The following ARHGEF6 variants were observed in gnomAD, a reference collection of about 807,000 sequenced individuals.
ARHGEF6 encodes the protein rho guanine nucleotide exchange factor 6.
ARHGEF6 carries 9 observed loss-of-function variants against 70.3 expected under a neutral mutation model. That is an observed-to-expected ratio of 0.13 (90% CI 0.08 to 0.22). The LOEUF is 0.22. ARHGEF6 is among the 10% of genes least tolerant of loss of function. The pLI is 1.00. For synonymous variants in ARHGEF6, 201 were observed against 207.8 expected, an observed-to-expected ratio of 0.97 and a Z score of 0.28; for missense variants, 470 against 563.0, an observed-to-expected ratio of 0.83 and a Z score of 1.67.
intron 6 of ARHGEF6, among the ~76,000 whole-genome samples, chrX:136,727,333 CT>C (rs1569410819): frequency 3.1e-5 from 1 of 32,785 alleles, no homozygotes; most frequent in Non-Finnish European, 6.3e-5. Context: ...CTTTTTCTTT[CT>C]TTCTTTCTTT....
intron 6 of ARHGEF6, among the ~76,000 whole-genome samples, chrX:136,727,339 T>C (rs1378411895): frequency 2.6e-5 from 1 of 38,726 alleles, no homozygotes; most frequent in Non-Finnish European, 4.5e-5. Flanking sequence ...CTTTCTTTCT[T>C]TCTTTCTTTC....
intron 2 of ARHGEF6, among the ~76,000 whole-genome samples, chrX:136,763,461 A>C (rs992999667): frequency 3.6e-5 from 4 of 111,955 alleles, no homozygotes; most frequent in African/African-American, 1.3e-4. Flanking sequence ...CATTCTATCA[A>C]TCTTTCATCT....
At chrX:136,717,158 A>G (rs1368472568) in intron 6 of ARHGEF6, among the ~76,000 whole-genome samples, 1 of 112,197 alleles carries the variant, frequency 8.9e-6, no homozygotes, top group Admixed American at 9.4e-5. Context: ...GAAAATTCTA[A>G]TCATGTGATA....
At chrX:136,772,764 G>A (rs1348320753) in intron 2 of ARHGEF6, among the ~76,000 whole-genome samples, 1 of 111,497 alleles carries the variant, frequency 9.0e-6, no homozygotes, top group Non-Finnish European at 1.9e-5. Context: ...TTGGGAGGCT[G>A]AGGCATGAGA....
chrX:136,682,585 G>A (rs2076343337), intron 13 of ARHGEF6, among the ~76,000 whole-genome samples, 173 bp downstream of exon 13: 2 of 112,091 alleles, frequency 1.8e-5, no homozygotes, highest in South Asian at 7.3e-4. Context: ...TAATACAAAG[G>A]TCTTTGATCT....
intron 7 of ARHGEF6, 144 bp downstream of exon 7, chrX:136,713,132 C>T: frequency 2.0e-6 from 1 of 505,197 alleles, no homozygotes. Context: ...ATTTCTGTTG[C>T]CCTGACCATG....
intron 2 of ARHGEF6, among the ~76,000 whole-genome samples, chrX:136,761,793 G>A (rs181614708): frequency 8.7e-4 from 98 of 112,521 alleles, no homozygotes; most frequent in African/African-American, 2.8e-3. Context: ...AGTACTGAGA[G>A]AGAAAATGGC....
intron 9 of ARHGEF6, among the ~76,000 whole-genome samples, chrX:136,706,127 G>C (rs773994404): frequency 9.0e-6 from 1 of 111,717 alleles, no homozygotes; most frequent in Non-Finnish European, 1.9e-5. Context: ...ACAGTTTTCT[G>C]GCCCAGATGA....
At chrX:136,736,054 C>T (rs2076982382) in intron 5 of ARHGEF6, among the ~76,000 whole-genome samples, 1 of 112,191 alleles carries the variant, frequency 8.9e-6, no homozygotes, top group African/African-American at 3.2e-5. Context: ...TTTAAAATAT[C>T]TGCTCAATCA....
chrX:136,767,343 T>C (rs997256106), intron 2 of ARHGEF6: 93 of 753,435 alleles, frequency 1.2e-4, no homozygotes, highest in Non-Finnish European at 3.8e-5. Flanking sequence ...AGGGCGAAAC[T>C]GGAGAGCTGG....
At chrX:136,764,514 A>G (rs1362951192) in intron 2 of ARHGEF6, among the ~76,000 whole-genome samples, 1 of 112,328 alleles carries the variant, frequency 8.9e-6, no homozygotes, top group African/African-American at 3.2e-5. Context: ...TGAGTGAAAG[A>G]AACCTCATAC....
intron 6 of ARHGEF6, among the ~76,000 whole-genome samples, chrX:136,723,776 T>A (rs1323996785): frequency 1.8e-5 from 2 of 109,644 alleles, no homozygotes; most frequent in African/African-American, 6.7e-5. Flanking sequence ...AATACAAAAA[T>A]TAGCTGGGCA....
chrX:136,775,636 C>A (rs1376008203), intron 2 of ARHGEF6, among the ~76,000 whole-genome samples: 1 of 111,587 alleles, frequency 9.0e-6, no homozygotes. Flanking sequence ...AGAACTGGAA[C>A]TGGACAAGGA....
At chrX:136,689,507 C>T (rs909353659) in intron 10 of ARHGEF6, among the ~76,000 whole-genome samples, 28 of 112,296 alleles carry the variant, frequency 2.5e-4, no homozygotes, top group Admixed American at 1.0e-3. Context: ...AACGGTTCAG[C>T]AAACTGGTTT....
intron 5 of ARHGEF6, among the ~76,000 whole-genome samples, chrX:136,733,971 A>T (rs2076961077): frequency 8.9e-6 from 1 of 112,101 alleles, no homozygotes; most frequent in African/African-American, 3.2e-5. Context: ...GCTGGGAAGG[A>T]GGTACTCGAT....
At chrX:136,768,909 G>A (rs941675965) in intron 2 of ARHGEF6, among the ~76,000 whole-genome samples, 13 of 107,857 alleles carry the variant, frequency 1.2e-4, no homozygotes, top group African/African-American at 4.1e-4. Context: ...AGGGAATGAG[G>A]GGGTGGGGGC....
rs371356656 is a variant in ARHGEF6, at chrX:136,708,806, G to A, written c.828-36C>T. Reference sequence around the variant, plus strand: ...AATACAGTACATGTAGTTATCTATTGTAGTCTAGTTGGCTAATAGTTTGCT... The same window carrying A: ...AATACAGTACATGTAGTTATCTATTATAGTCTAGTTGGCTAATAGTTTGCT... On this transcript the variant is annotated intron_variant, in intron 7 of 21. Coordinates refer to ENST00000250617, the MANE Select transcript of ARHGEF6 (RefSeq NM_004840.3). The A allele has an allele frequency of 7.7e-6, 8 of 1,036,727 alleles. No homozygotes were observed. In the African/African-American group the frequency reaches 1.1e-4, roughly 14 times the overall value. 85.4% of individuals were successfully genotyped at this position (1,036,727 alleles called of 1,213,427 possible). A position where few individuals can be genotyped will look rare whatever the true frequency, so the allele number is the denominator to read the frequency against.
At position 136,708,357 on chromosome X, in the gene ARHGEF6, T is replaced by G. The variant is rs144380772; in HGVS notation, c.923+318A>C. ...TAACAAACCTGCACGTTCAGCACAT[T>G]TATCCCAGAACTTTAAGGAACATTA... On this transcript the variant is annotated intron_variant, in intron 8 of 21. Coordinates refer to ENST00000250617, the MANE Select transcript of ARHGEF6 (RefSeq NM_004840.3). 3.9e-3 allele frequency among the ~76,000 whole-genome samples: 427 copies of G among 108,321 alleles called. 6 individuals are homozygous for G. The highest frequency in any genetic ancestry group is 0.014 in the African/African-American group (414 of 29,331). The allele number at this position is 108,321 out of a possible 115,157, so 94.1% of individuals were successfully genotyped here. A position where few individuals can be genotyped will look rare whatever the true frequency, so the allele number is the denominator to read the frequency against.
chrX:136,740,884 T>C (rs900513450), intron 5 of ARHGEF6, among the ~76,000 whole-genome samples: 1 of 111,788 alleles, frequency 8.9e-6, no homozygotes, highest in African/African-American at 3.3e-5. Flanking sequence ...TCCTAAATTA[T>C]ATCAACAAAA....
Sources: allele counts gnomAD v4.1 joint callset (sites outside exome capture counted in the v4.1 genomes callset), GRCh38; gene constraint gnomAD v4.1.1; transcripts MANE v1.5; gene names NCBI Gene and HGNC (gene_info 2026-07-23, HGNC 2026-07-21).